The following DYNC1I1 variants were observed in gnomAD, a reference collection of about 807,000 sequenced individuals.
DYNC1I1 encodes the protein cytoplasmic dynein 1 intermediate chain 1.
In DYNC1I1, 43 loss-of-function variants were observed where a neutral mutation model predicts 86.6. The observed-to-expected ratio is 0.50, with a 90% CI of 0.39 to 0.64. The LOEUF (loss-of-function observed/expected upper bound fraction) is 0.64, where lower values mean the gene tolerates loss of function less well. DYNC1I1 is among the 30% of genes least tolerant of loss of function. The probability of loss-of-function intolerance (pLI) is 0.00; values close to 1 mark genes in which losing one functional copy is unlikely to be tolerated. For synonymous variants in DYNC1I1, 262 were observed against 283.7 expected (o/e 0.92, Z 0.77); for missense variants, 604 against 788.8 (o/e 0.77, Z 2.81).
At chr7:95,832,438 T>A (rs1018206711) in intron 5 of DYNC1I1, among the ~76,000 whole-genome samples, 4 of 151,848 alleles carry the variant, frequency 2.6e-5, no homozygotes, top group African/African-American at 9.7e-5. Flanking sequence ...TACGTGTGCA[T>A]GTGTCTTTAT....
intron 6 of DYNC1I1, among the ~76,000 whole-genome samples, chr7:95,970,437 GT>G (rs1279221957): frequency 6.6e-6 from 1 of 152,132 alleles, no homozygotes; most frequent in Non-Finnish European, 1.5e-5. Flanking sequence ...TTCATTGAGG[GT>G]CAAGCCATCC....
At chr7:96,001,132 C>T (rs1794001406) in intron 10 of DYNC1I1, among the ~76,000 whole-genome samples, 1 of 152,186 alleles carries the variant, frequency 6.6e-6, no homozygotes, top group Admixed American at 6.5e-5. Flanking sequence ...TCCCTAAATG[C>T]CCTTCCCTTC....
chr7:96,065,293 A>C (rs552040024), intron 14 of DYNC1I1, among the ~76,000 whole-genome samples: 37 of 144,554 alleles, frequency 2.6e-4, no homozygotes, highest in African/African-American at 9.6e-4. Context: ...TCTCTCTTCT[A>C]CTCTCTCAGC....
At chr7:96,070,827 A>G (rs564385953) in intron 14 of DYNC1I1, among the ~76,000 whole-genome samples, 1 of 152,352 alleles carries the variant, frequency 6.6e-6, no homozygotes, top group East Asian at 1.9e-4. Context: ...GAGGAAAAGA[A>G]CCATTATATT....
At chr7:95,878,450 T>C (rs1421186916) in intron 6 of DYNC1I1, among the ~76,000 whole-genome samples, 1 of 152,044 alleles carries the variant, frequency 6.6e-6, no homozygotes, top group Non-Finnish European at 1.5e-5. Context: ...AAAAATTCAT[T>C]AAAGGCACAT....
intron 16 of DYNC1I1, among the ~76,000 whole-genome samples, chr7:96,095,222 G>A (rs1790966546): frequency 6.6e-6 from 1 of 152,150 alleles, no homozygotes; most frequent in Non-Finnish European, 1.5e-5. Context: ...TAGTGTAAAT[G>A]AGACTCACTT....
chr7:95,852,788 G>A (rs140407172), intron 5 of DYNC1I1, among the ~76,000 whole-genome samples: 2 of 152,294 alleles, frequency 1.3e-5, no homozygotes, highest in African/African-American at 4.8e-5. Context: ...TTACAGGCGT[G>A]AGCCACCGCA....
intron 5 of DYNC1I1, among the ~76,000 whole-genome samples, chr7:95,832,624 G>T (rs1362364316): frequency 2.0e-5 from 3 of 152,094 alleles, no homozygotes; most frequent in Non-Finnish European, 4.4e-5. Flanking sequence ...ATCCTCTCCA[G>T]CACCTGTTAT....
chr7:96,021,454 A>G (rs1352651958), intron 10 of DYNC1I1, among the ~76,000 whole-genome samples: 4 of 152,182 alleles, frequency 2.6e-5, no homozygotes, highest in South Asian at 2.1e-4. Flanking sequence ...TCTTGAAGAT[A>G]ACAAATAAGG....
chr7:95,787,912 G>C (rs1447259416), intron 1 of DYNC1I1, among the ~76,000 whole-genome samples: 2 of 152,176 alleles, frequency 1.3e-5, no homozygotes, highest in Non-Finnish European at 2.9e-5. Context: ...AAGCCATTCA[G>C]ATATGTAGGG....
At chr7:95,859,189 G>A (rs1002702486) in intron 5 of DYNC1I1, among the ~76,000 whole-genome samples, 2 of 151,344 alleles carry the variant, frequency 1.3e-5, no homozygotes, top group Non-Finnish European at 1.5e-5. Flanking sequence ...CCTGTTAAAT[G>A]TCTTATTCTG....
chr7:96,000,921 T>G (rs1793995014), intron 10 of DYNC1I1, among the ~76,000 whole-genome samples: 2 of 152,220 alleles, frequency 1.3e-5, no homozygotes, highest in South Asian at 2.1e-4. Flanking sequence ...AAGTGAGCTA[T>G]TTGATGAAGA....
At chr7:95,803,524 C>A (rs1195912982) in intron 1 of DYNC1I1, among the ~76,000 whole-genome samples, 1 of 152,204 alleles carries the variant, frequency 6.6e-6, no homozygotes, top group African/African-American at 2.4e-5. Flanking sequence ...GTGTATTTCC[C>A]AACTTGTGTA....
chr7:95,848,656 C>T lies in DYNC1I1; in HGVS notation c.374+20540C>T, dbSNP rs530038388. 2.6e-5 allele frequency among the ~76,000 whole-genome samples: 4 copies of T among 152,118 alleles called. No homozygotes were observed. The East Asian group carries it at 7.7e-4, about 29-fold the overall frequency. On this transcript the variant is annotated intron_variant, in intron 5 of 16. Transcript: ENST00000447467. ...ATAAACACATAGGTTGATTTCATAT[C>T]TTGGCTATTGTGAATGATACTGCAG...
intron 6 of DYNC1I1, among the ~76,000 whole-genome samples, chr7:95,930,358 G>A (rs1322491173): frequency 1.3e-5 from 2 of 152,158 alleles, no homozygotes; most frequent in Non-Finnish European, 2.9e-5. Context: ...TATCTGAGAG[G>A]TTTTTAAAGG....
chr7:95,890,161 G>A (rs932479797), intron 6 of DYNC1I1, among the ~76,000 whole-genome samples: 4 of 152,144 alleles, frequency 2.6e-5, no homozygotes, highest in African/African-American at 9.7e-5. Context: ...ATTCACAATT[G>A]CAAATATATG....
chr7:96,073,208 T>G (rs1300055660), intron 14 of DYNC1I1, among the ~76,000 whole-genome samples: 1 of 152,220 alleles, frequency 6.6e-6, no homozygotes, highest in African/African-American at 2.4e-5. Context: ...CTAGAATTAT[T>G]TGCACAGCAA....
chr7:96,070,195 G>A (rs1790117178), intron 14 of DYNC1I1, among the ~76,000 whole-genome samples: 1 of 152,164 alleles, frequency 6.6e-6, no homozygotes. Context: ...GTTTCCCAGT[G>A]ATAGTACCAA....
intron 1 of DYNC1I1, among the ~76,000 whole-genome samples, chr7:95,777,784 C>A (rs1793883090): frequency 6.6e-6 from 1 of 152,146 alleles, no homozygotes; most frequent in Admixed American, 6.5e-5. Context: ...GATCAACAGA[C>A]CTGCCTGGTA....
Sources: allele counts gnomAD v4.1 joint callset (sites outside exome capture counted in the v4.1 genomes callset), GRCh38; gene constraint gnomAD v4.1.1; transcripts MANE v1.5; gene names NCBI Gene and HGNC (gene_info 2026-07-23, HGNC 2026-07-21).